Variants in ATE1 observed in about 807,000 individuals in gnomAD.
The protein encoded by ATE1 is arginyltransferase 1.
A neutral mutation model predicts 70.5 loss-of-function variants in ATE1; 36 were observed. The ratio of observed to expected loss-of-function variants is 0.51; its 90% confidence interval spans 0.39 to 0.67. The LOEUF is 0.67. ATE1 is among the 30% of genes least tolerant of loss of function. The pLI, the probability that ATE1 is intolerant of heterozygous loss-of-function variation, is 0.00. For missense variants in ATE1, 593 were observed against 629.5 expected, an observed-to-expected ratio of 0.94 and a Z score of 0.62; for synonymous variants, 232 against 219.3, an observed-to-expected ratio of 1.06 and a Z score of -0.51.
intron 10 of ATE1, among the ~76,000 whole-genome samples, chr10:121,806,249 C>T (rs911272968): frequency 1.3e-5 from 2 of 152,058 alleles, no homozygotes; most frequent in Non-Finnish European, 1.5e-5. Flanking sequence ...CTCAGGAGTT[C>T]GAGACCAATC....
intron 10 of ATE1, among the ~76,000 whole-genome samples, chr10:121,796,798 C>T (rs1362196243): frequency 6.6e-6 from 1 of 152,156 alleles, no homozygotes; most frequent in Non-Finnish European, 1.5e-5. Context: ...TTAAAAAAGA[C>T]TGTGTCTTCT....
chr10:121,871,478 A>C (rs572990291), intron 7 of ATE1, among the ~76,000 whole-genome samples: 151 of 152,300 alleles, frequency 9.9e-4, no homozygotes, highest in Non-Finnish European at 1.9e-3. Context: ...AAAACAAGTA[A>C]GATAAAACAG....
chr10:121,849,999 T>C (rs1216464157), intron 8 of ATE1, among the ~76,000 whole-genome samples: 1 of 152,144 alleles, frequency 6.6e-6, no homozygotes, highest in Non-Finnish European at 1.5e-5. Flanking sequence ...AATACAAAGA[T>C]TTATCTATAA....
intron 7 of ATE1, among the ~76,000 whole-genome samples, chr10:121,880,632 A>T (rs1950198453): frequency 6.6e-6 from 1 of 151,350 alleles, no homozygotes; most frequent in Non-Finnish European, 1.5e-5. Flanking sequence ...CTATTTTTAC[A>T]TATTCTTAAG....
intron 8 of ATE1, among the ~76,000 whole-genome samples, chr10:121,845,513 G>A (rs1590466804): frequency 6.6e-6 from 1 of 152,214 alleles, no homozygotes; most frequent in Non-Finnish European, 1.5e-5. Context: ...TGAAACTGCT[G>A]AGGGAGGGGA....
Position 121,745,589 on chromosome 10 carries a change from T to C in ATE1, c.1379-1731A>G, listed in dbSNP as rs184627472. 3.9e-4 allele frequency among the ~76,000 whole-genome samples: 59 copies of C among 151,982 alleles called. No homozygotes were observed. In the East Asian group the frequency reaches 8.3e-3, roughly 21 times the overall value. ...AAAAAACAAAAAAATTAGCCAGGCGTGGTGGCGGGCGCCTGTAGTCCCAGC... is the reference window on the plus strand; with the variant it reads ...AAAAAACAAAAAAATTAGCCAGGCGCGGTGGCGGGCGCCTGTAGTCCCAGC... On this transcript the variant is annotated intron_variant, in intron 11 of 11. Coordinates refer to ENST00000224652, the MANE Select transcript of ATE1 (RefSeq NM_001001976.3).
rs199840211 is a variant in ATE1 at position 121,801,785 on chromosome 10, AG to A, written c.1258-11497del. ...GGCCACCCTCACCTAGACAAGAGTG[AG>A]GGGGCTGACTCCAAGTTTTCTCCTT... On this transcript the variant is annotated intron_variant, in intron 10 of 11. Transcript: ENST00000224652. Among the ~76,000 whole-genome samples, 1,125 of 152,220 alleles carry A rather than the reference AG, an allele frequency of 7.4e-3. 10 individuals are homozygous for A. Among genetic ancestry groups the A allele is most frequent in the African/African-American group, 0.026 (1,071 of 41,536 alleles).
chr10:121,920,461 G>A (rs551291004), intron 3 of ATE1, among the ~76,000 whole-genome samples: 59 of 152,000 alleles, frequency 3.9e-4, no homozygotes, highest in African/African-American at 1.4e-3. Flanking sequence ...GAGCCTGGCA[G>A]GCAGGCTGCA....
intron 8 of ATE1, among the ~76,000 whole-genome samples, chr10:121,865,262 T>C (rs1554915528): frequency 1.3e-5 from 2 of 152,194 alleles, no homozygotes; most frequent in African/African-American, 2.4e-5. Flanking sequence ...TGCTAACTTA[T>C]CAGTAAGTTA....
chr10:121,841,259 T>C lies in ATE1; in HGVS notation c.980A>G (p.Glu327Gly). 1 of 1,488,044 alleles carries C rather than the reference T, an allele frequency of 6.7e-7. No individual in the cohort carries two copies. Among genetic ancestry groups the C allele is most frequent in the Non-Finnish European group, 9.0e-7 (1 of 1,112,172 alleles). 92.2% of individuals were successfully genotyped at this position (1,488,044 alleles called of 1,614,324 possible). A position where few individuals can be genotyped will look rare whatever the true frequency, so the allele number is the denominator to read the frequency against. The change falls in exon 9 of 12, where the codon GAG becomes GGG. Residue 327 changes from glutamate to glycine, a missense_variant. Physicochemically the swap from Glu to Gly is moderately conservative, Grantham distance 98 (BLOSUM62 -2). This residue lies in a region of ATE1 where 467 missense variants were observed against 469.6 expected (regional missense o/e 0.99). Coordinates refer to ENST00000224652, the MANE Select transcript of ATE1 (RefSeq NM_001001976.3). ...RFLCSSPLEA[E>G]TPPNGPDCGY... ...ACAATCTGGCCCATTAGGGGGAGTC[T>C]CTGCCTAAGAAAAAGCAGAGGCACA... is the stretch of plus-strand genomic sequence containing the variant.
chr10:121,819,626 G>A (rs1451622120), intron 10 of ATE1, among the ~76,000 whole-genome samples: 2 of 141,214 alleles, frequency 1.4e-5, no homozygotes, highest in African/African-American at 2.7e-5. Context: ...AGAATGGCGT[G>A]AACCTGGGAG....
At chr10:121,798,577 T>C (rs937662361) in intron 10 of ATE1, among the ~76,000 whole-genome samples, 3 of 152,318 alleles carry the variant, frequency 2.0e-5, no homozygotes, top group South Asian at 4.1e-4. Flanking sequence ...GCACATTGTC[T>C]GAGTTAAATC....
chr10:121,787,759 C>A (rs1211846699), intron 11 of ATE1, among the ~76,000 whole-genome samples: 1 of 152,166 alleles, frequency 6.6e-6, no homozygotes, highest in Non-Finnish European at 1.5e-5. Context: ...GACTTTAAAT[C>A]TTTTTTGCCA....
At position 121,817,277 on chromosome 10, in the gene ATE1, A is replaced by G. The variant is rs897457427; in HGVS notation, c.1257+19441T>C. On this transcript the variant is annotated intron_variant, in intron 10 of 11. Transcript: ENST00000224652. ...GAGTTCAGGCCGGGCACAGCGGCTC[A>G]CGCCTGTAATCCCAGTACTTTGGGA... is the stretch of plus-strand genomic sequence containing the variant. Among the ~76,000 whole-genome samples, 12 of 152,358 alleles carry G rather than the reference A, an allele frequency of 7.9e-5. No homozygotes were observed. In the South Asian group the frequency reaches 2.3e-3, roughly 29 times the overall value.
At chr10:121,749,657 A>G (rs758625642) in intron 11 of ATE1, among the ~76,000 whole-genome samples, 55 of 152,044 alleles carry the variant, frequency 3.6e-4, no homozygotes, top group Non-Finnish European at 7.2e-4. Flanking sequence ...TTAGTCATCA[A>G]AGTAATGCCT....
rs1036389210 is a variant in ATE1 at position 121,743,714 on chromosome 10, T to C, written c.1523A>G (p.Lys508Arg). Reference sequence around the variant, plus strand: ...GAACAGCAGCATCCGCTCGGAGCACTTCTGCCCCACCAGGCTGGCGTACTG... The same window carrying C: ...GAACAGCAGCATCCGCTCGGAGCACCTCTGCCCCACCAGGCTGGCGTACTG... The part of the protein sequence containing the change: ...VLQYASLVGQ[K>R]CSERMLLFRN Residue 508 changes from lysine to arginine, a missense_variant, in exon 12 of 12, where the codon AAG (lysine) becomes AGG (arginine). Coordinates refer to ENST00000224652, the MANE Select transcript of ATE1 (RefSeq NM_001001976.3). The C allele has an allele frequency of 1.2e-6, 2 of 1,613,702 alleles. No individual in the cohort carries two copies. The highest frequency in any genetic ancestry group is 8.5e-7 in the Non-Finnish European group (1 of 1,179,924).
At chr10:121,801,578 A>T (rs1010916108) in intron 10 of ATE1, among the ~76,000 whole-genome samples, 1 of 152,194 alleles carries the variant, frequency 6.6e-6, no homozygotes, top group Non-Finnish European at 1.5e-5. Flanking sequence ...AAAAACTCTA[A>T]GCCTCTTTAG....
At chr10:121,891,151 G>C (rs1950564452) in intron 7 of ATE1, among the ~76,000 whole-genome samples, 1 of 152,154 alleles carries the variant, frequency 6.6e-6, no homozygotes, top group African/African-American at 2.4e-5. Flanking sequence ...GCCCAAAAAG[G>C]GTCTCCAGTT....
intron 10 of ATE1, among the ~76,000 whole-genome samples, chr10:121,825,179 T>G (rs1299980365): frequency 6.6e-6 from 1 of 152,004 alleles, no homozygotes; most frequent in Non-Finnish European, 1.5e-5. Flanking sequence ...TTTCCACTAA[T>G]TCCCAAGATG....
Sources: gnomAD v4.1 joint callset for allele counts (sites outside exome capture counted in the v4.1 genomes callset) on GRCh38, gnomAD v4.1.1 for gene constraint, gnomAD v4.1.1 regional missense constraint, MANE v1.5 for transcripts, NCBI Gene and HGNC (gene_info 2026-07-23, HGNC 2026-07-21) for gene names.